The following DIAPH2 variants were observed in gnomAD, a reference collection of about 807,000 sequenced individuals.
DIAPH2 encodes the protein diaphanous related formin 2, also known as protein diaphanous homolog 2.
In DIAPH2, 35 loss-of-function variants were observed where a neutral mutation model predicts 92.7. The ratio of observed to expected loss-of-function variants is 0.38; its 90% CI spans 0.29 to 0.50. The LOEUF is 0.50. Ranked by LOEUF, DIAPH2 falls within the 20% of genes least tolerant of loss-of-function variation. The pLI is 0.94. For missense variants in DIAPH2, 701 were observed against 819.5 expected (o/e 0.86, Z 1.77); for synonymous variants, 301 against 280.4 (o/e 1.07, Z -0.73).
chrX:96,738,949 T>C (rs2064103619), intron 3 of DIAPH2, among the ~76,000 whole-genome samples, 187 bp downstream of exon 3: 1 of 111,431 alleles, frequency 9.0e-6, no homozygotes, highest in African/African-American at 3.3e-5. Context: ...AAAATGTCCT[T>C]ACCTGTCTAT....
intron 20 of DIAPH2, among the ~76,000 whole-genome samples, chrX:97,103,769 G>A (rs1001020577): frequency 2.7e-5 from 3 of 111,893 alleles, no homozygotes; most frequent in Non-Finnish European, 5.6e-5. Flanking sequence ...TAAAGCTACA[G>A]CATTAACTTC....
At chrX:97,544,198 G>A (rs1163139292) in intron 26 of DIAPH2, among the ~76,000 whole-genome samples, 1 of 111,841 alleles carries the variant, frequency 8.9e-6, no homozygotes, top group Non-Finnish European at 1.9e-5. Context: ...ACATGAAATT[G>A]TAGCTGGAAG....
At chrX:97,517,904 A>G (rs894115252) in intron 26 of DIAPH2, among the ~76,000 whole-genome samples, 11 of 112,564 alleles carry the variant, frequency 9.8e-5, no homozygotes, top group African/African-American at 2.9e-4. Flanking sequence ...GCTGATGTTC[A>G]TCAGACCCCA....
At chrX:96,815,911 T>G (rs190100041) in intron 4 of DIAPH2, among the ~76,000 whole-genome samples, 278 of 111,218 alleles carry the variant, frequency 2.5e-3, no homozygotes, top group Admixed American at 4.5e-3. Context: ...GCTCAGGCAA[T>G]GCGCCCACCT....
At chrX:96,967,770 A>G (rs1375804097) in intron 17 of DIAPH2, among the ~76,000 whole-genome samples, 1 of 110,848 alleles carries the variant, frequency 9.0e-6, no homozygotes, top group African/African-American at 3.3e-5. Flanking sequence ...GTGTATATGT[A>G]CCACATTTTC....
At chrX:97,057,568 A>G (rs1184473867) in intron 17 of DIAPH2, among the ~76,000 whole-genome samples, 1 of 111,950 alleles carries the variant, frequency 8.9e-6, no homozygotes, top group Non-Finnish European at 1.9e-5. Context: ...CAGATTTCAC[A>G]TACTCATGAC....
intron 19 of DIAPH2, among the ~76,000 whole-genome samples, chrX:97,085,757 AC>A (rs779842740): frequency 8.9e-6 from 1 of 112,012 alleles, no homozygotes; most frequent in East Asian, 2.8e-4. Flanking sequence ...GAATGGTGTG[AC>A]CCATTCAGAA....
At chrX:97,523,514 C>T (rs778128469) in intron 26 of DIAPH2, among the ~76,000 whole-genome samples, 40 of 111,404 alleles carry the variant, frequency 3.6e-4, no homozygotes, top group Non-Finnish European at 6.0e-4. Flanking sequence ...TTAATAATAC[C>T]GTATGCCAAG....
intron 15 of DIAPH2, among the ~76,000 whole-genome samples, 197 bp from the exon 16 acceptor site, chrX:96,957,631 A>T (rs772984759): frequency 9.0e-6 from 1 of 111,552 alleles, no homozygotes; most frequent in Non-Finnish European, 1.9e-5. Flanking sequence ...CTTATAAAAA[A>T]TCTACACAGG....
intron 4 of DIAPH2, among the ~76,000 whole-genome samples, chrX:96,862,331 G>A (rs2065077129): frequency 8.9e-6 from 1 of 111,826 alleles, no homozygotes; most frequent in Admixed American, 9.5e-5. Flanking sequence ...CAAGCACAAT[G>A]CCAAACACGG....
At chrX:97,311,842 G>T (rs755336439) in intron 23 of DIAPH2, among the ~76,000 whole-genome samples, 109 of 109,822 alleles carry the variant, frequency 9.9e-4, no homozygotes, top group Non-Finnish European at 1.9e-3. Context: ...TTTTTTGGGT[G>T]GGGGAGGACA....
intron 17 of DIAPH2, among the ~76,000 whole-genome samples, chrX:97,013,229 A>C (rs1027250346): frequency 8.9e-6 from 1 of 112,309 alleles, no homozygotes; most frequent in African/African-American, 3.2e-5. Context: ...GCAAGGGAGA[A>C]GACAAAATAC....
At chrX:97,113,157 A>G (rs979622822) in intron 20 of DIAPH2, among the ~76,000 whole-genome samples, 1 of 110,965 alleles carries the variant, frequency 9.0e-6, no homozygotes, top group African/African-American at 3.3e-5. Flanking sequence ...ATATTTTTTC[A>G]TGTGTATTTC....
chrX:97,208,500 A>T (rs2067815339), intron 22 of DIAPH2, among the ~76,000 whole-genome samples: 1 of 112,032 alleles, frequency 8.9e-6, no homozygotes, highest in South Asian at 3.7e-4. Flanking sequence ...CTTGGATCTA[A>T]TTAATGCATT....
intron 26 of DIAPH2, among the ~76,000 whole-genome samples, chrX:97,458,393 C>T (rs767137689): frequency 1.9e-4 from 21 of 107,910 alleles, no homozygotes; most frequent in Admixed American, 8.9e-4. Flanking sequence ...TGTGAGCCAC[C>T]ATGCCCAGCC....
intron 20 of DIAPH2, among the ~76,000 whole-genome samples, chrX:97,107,271 A>G (rs1283578348): frequency 9.0e-6 from 1 of 111,211 alleles, no homozygotes; most frequent in Non-Finnish European, 1.9e-5. Context: ...CCCAGCCTAC[A>G]TCATTATTTT....
chrX:96,995,286 T>G (rs906441068), intron 17 of DIAPH2, among the ~76,000 whole-genome samples: 5 of 112,100 alleles, frequency 4.5e-5, no homozygotes, highest in Non-Finnish European at 9.4e-5. Flanking sequence ...CAGATTGGAA[T>G]TCTTTGGAGT....
At chrX:97,266,249 G>A (rs1022795827) in intron 23 of DIAPH2, among the ~76,000 whole-genome samples, 1 of 112,191 alleles carries the variant, frequency 8.9e-6, no homozygotes, top group Non-Finnish European at 1.9e-5. Flanking sequence ...AAAGATTACA[G>A]TATAAATAAT....
At chrX:97,276,626 C>A (rs1449238491) in intron 23 of DIAPH2, among the ~76,000 whole-genome samples, 2 of 112,047 alleles carry the variant, frequency 1.8e-5, no homozygotes, top group African/African-American at 3.2e-5. Context: ...TCCTCCTCAA[C>A]ACAGCATTCT....
Sources: gnomAD v4.1 joint callset for allele counts (sites outside exome capture counted in the v4.1 genomes callset) on GRCh38, gnomAD v4.1.1 for gene constraint, MANE v1.5 for transcripts, NCBI Gene and HGNC (gene_info 2026-07-23, HGNC 2026-07-21) for gene names.